DNAH12: variants seen among roughly 807,000 people sequenced by gnomAD.
DNAH12 encodes dynein axonemal heavy chain 12.
Under a neutral mutation model 371.5 loss-of-function variants are expected in DNAH12, and 285 were observed. The observed-to-expected ratio is 0.77, with a 90% CI of 0.70 to 0.85. The LOEUF (loss-of-function observed/expected upper bound fraction) is 0.85. Among genes scored for constraint, DNAH12 ranks in the 40% least tolerant of loss-of-function variants. The pLI, the probability that DNAH12 is intolerant of heterozygous loss-of-function variation, is 0.00. For missense variants in DNAH12, 3,611 were observed against 3,689.4 expected, an observed-to-expected ratio of 0.98 and a Z score of 0.55; for synonymous variants, 1,200 against 1,213.0, an observed-to-expected ratio of 0.99 and a Z score of 0.22.
intron 55 of DNAH12, among the ~76,000 whole-genome samples, chr3:57,372,903 G>C (rs2063205136): frequency 6.6e-6 from 1 of 152,060 alleles, no homozygotes; most frequent in Admixed American, 6.6e-5. Flanking sequence ...ATTAAAAATA[G>C]AAAGAAAAAG....
At position 57,457,918 on chromosome 3, in the gene DNAH12, A is replaced by AT. The variant is rs938145698; in HGVS notation, c.3138dup (p.Cys1047MetfsTer3). On this transcript the variant is annotated frameshift_variant, in exon 22 of 74. Coordinates refer to ENST00000495027, the MANE Select transcript of DNAH12 (RefSeq NM_001366028.2). LOFTEE classifies it high-confidence loss of function. ...TCTAATTTAGCAATGCCCTCAAAGC[A>AT]TTTTTTTAAATGTGGCTGAACTCTA... The AT allele has an allele frequency of 7.1e-6, 11 of 1,551,538 alleles. No individual in the cohort carries two copies. In the Admixed American group the frequency reaches 9.8e-5, roughly 14 times the overall value.
intron 8 of DNAH12, among the ~76,000 whole-genome samples, chr3:57,505,856 C>T (rs2067738658): frequency 1.3e-5 from 2 of 151,968 alleles, no homozygotes; most frequent in African/African-American, 4.8e-5. Context: ...GCAATCCTCC[C>T]ACCTCAGCCT....
chr3:57,441,635 T>A (rs1218200946), intron 29 of DNAH12, among the ~76,000 whole-genome samples: 1 of 151,418 alleles, frequency 6.6e-6, no homozygotes, highest in African/African-American at 2.4e-5. Context: ...CTATGAAAAA[T>A]AAAATAATTA....
chr3:57,405,557 GTTCA>G (rs66584712), intron 41 of DNAH12, 92 bp downstream of exon 41: 508,756 of 1,319,144 alleles, frequency 0.39, 103,145 homozygotes, highest in Non-Finnish European at 0.42. Context: ...AAAAGAATAT[GTTCA>G]TTAAGAAATG....
chr3:57,439,032 A>G (rs1306594650), intron 29 of DNAH12, among the ~76,000 whole-genome samples: 1 of 152,136 alleles, frequency 6.6e-6, no homozygotes, highest in African/African-American at 2.4e-5. Flanking sequence ...AAGGAGAACT[A>G]CAAAACACTG....
At chr3:57,356,689 A>T (rs2062809209) in intron 59 of DNAH12, among the ~76,000 whole-genome samples, 1 of 151,878 alleles carries the variant, frequency 6.6e-6, no homozygotes, top group Non-Finnish European at 1.5e-5. Flanking sequence ...AATAGAAAAG[A>T]GGTTTTGATT....
intron 11 of DNAH12, among the ~76,000 whole-genome samples, chr3:57,495,354 T>C (rs1232594261): frequency 6.8e-6 from 1 of 147,698 alleles, no homozygotes; most frequent in Non-Finnish European, 1.5e-5. Context: ...AGGTCACGAG[T>C]TCGAGACCAG....
At chr3:57,415,669 T>C (rs1035513861) in intron 37 of DNAH12, 105 bp from the exon 38 acceptor site, 1 of 1,155,548 alleles carries the variant, frequency 8.7e-7, no homozygotes, top group African/African-American at 1.6e-5. Flanking sequence ...TCAAATCATC[T>C]TCATTAAAAA....
Position 57,507,697 on chromosome 3 carries a change from T to C in DNAH12, c.843A>G (p.Lys281=). ...TATAAAATGCATCCAATTTTTCAGGTTTAACACCTTCTAGTGCCTCCTTCT... is the reference window on the plus strand; with the variant it reads ...TATAAAATGCATCCAATTTTTCAGGCTTAACACCTTCTAGTGCCTCCTTCT... The part of the protein sequence containing the change: ...FTKKEALEGV[K]PEKLDAFYSC... Residue 281 remains lysine, a synonymous_variant, in exon 8 of 74, where the codon AAA becomes AAG. Coordinates refer to ENST00000495027, the MANE Select transcript of DNAH12 (RefSeq NM_001366028.2). 6.2e-7 allele frequency: 1 copy of C among 1,611,450 alleles called. No individual in the cohort carries two copies. The highest frequency in any genetic ancestry group is 1.3e-5 in the African/African-American group (1 of 74,932).
chr3:57,527,331 CA>C (rs1295911599), intron 2 of DNAH12, among the ~76,000 whole-genome samples: 1 of 151,590 alleles, frequency 6.6e-6, no homozygotes, highest in Non-Finnish European at 1.5e-5. Flanking sequence ...ACTTTGTTTC[CA>C]AAAAACAAAA....
chr3:57,324,753 C>T (rs571524458), intron 62 of DNAH12, among the ~76,000 whole-genome samples: 23 of 152,202 alleles, frequency 1.5e-4, no homozygotes, highest in South Asian at 6.2e-4. Context: ...ATGCACAAGC[C>T]GAAGCAGGGC....
At chr3:57,447,949 A>G (rs1183580863) in intron 25 of DNAH12, among the ~76,000 whole-genome samples, 1 of 152,230 alleles carries the variant, frequency 6.6e-6, no homozygotes, top group East Asian at 1.9e-4. Flanking sequence ...TCCTGGGATT[A>G]TAGGCATGAG....
chr3:57,328,531 C>G (rs1302815731), intron 62 of DNAH12, among the ~76,000 whole-genome samples: 2 of 151,476 alleles, frequency 1.3e-5, no homozygotes, highest in Admixed American at 6.6e-5. Context: ...TAAAAACTCT[C>G]AATAAATTAG....
chr3:57,419,578 T>C, intron 36 of DNAH12, 60 bp from the exon 37 acceptor site: 1 of 1,237,620 alleles, frequency 8.1e-7, no homozygotes, highest in Non-Finnish European at 1.1e-6. Context: ...TCTGAAAGGC[T>C]CTTTTCAACA....
At chr3:57,305,480 C>T (rs764273130) in intron 69 of DNAH12, among the ~76,000 whole-genome samples, 1 of 152,174 alleles carries the variant, frequency 6.6e-6, no homozygotes, top group Non-Finnish European at 1.5e-5. Context: ...TAGCCCTCCC[C>T]CTCCTGCCCA....
intron 43 of DNAH12, among the ~76,000 whole-genome samples, chr3:57,402,133 TG>T (rs1468365195): frequency 1.3e-5 from 2 of 152,192 alleles, no homozygotes; most frequent in Admixed American, 6.5e-5. Context: ...AAAGAAACAA[TG>T]TAAGTGTAAT....
At chr3:57,475,795 G>A (rs1182257293) in intron 13 of DNAH12, among the ~76,000 whole-genome samples, 1 of 152,142 alleles carries the variant, frequency 6.6e-6, no homozygotes, top group Non-Finnish European at 1.5e-5. Context: ...TTGCAAGTAA[G>A]AATGTTAAAA....
intron 58 of DNAH12, among the ~76,000 whole-genome samples, chr3:57,362,191 C>G (rs890672398): frequency 1.3e-5 from 2 of 152,230 alleles, no homozygotes; most frequent in Middle Eastern, 3.4e-3. Context: ...GCGAAGAACA[C>G]GAACTCATTC....
intron 29 of DNAH12, 139 bp downstream of exon 29, chr3:57,444,558 T>C (rs2065414936): frequency 3.2e-6 from 4 of 1,258,618 alleles, no homozygotes; most frequent in Non-Finnish European, 3.3e-6. Flanking sequence ...AATTTACTTA[T>C]TGTTATTAAC....
Sources: allele counts gnomAD v4.1 joint callset (sites outside exome capture counted in the v4.1 genomes callset), GRCh38; gene constraint gnomAD v4.1.1; transcripts MANE v1.5; gene names NCBI Gene and HGNC (gene_info 2026-07-23, HGNC 2026-07-21).